Variants in TMEM163 observed in about 807,000 individuals in gnomAD.
The protein encoded by TMEM163 is transmembrane protein 163.
A neutral mutation model predicts 29.3 loss-of-function variants in TMEM163; 17 were observed. The observed-to-expected ratio is 0.58, with a 90% CI of 0.40 to 0.87. The LOEUF is 0.87. TMEM163 is among the 40% of genes least tolerant of loss of function. The probability of loss-of-function intolerance (pLI) is 0.00; values close to 1 mark genes in which losing one functional copy is unlikely to be tolerated. For missense variants in TMEM163, 303 were observed against 381.5 expected, an observed-to-expected ratio of 0.79 and a Z score of 1.71; for synonymous variants, 157 against 160.6, an observed-to-expected ratio of 0.98 and a Z score of 0.17.
intron 2 of TMEM163, among the ~76,000 whole-genome samples, chr2:134,706,666 G>A (rs1283250395): frequency 6.6e-6 from 1 of 152,194 alleles, no homozygotes; most frequent in Non-Finnish European, 1.5e-5. Flanking sequence ...AGGCATCTGA[G>A]ACTAAGGGAA....
chr2:134,617,706 T>C (rs1454492581), intron 2 of TMEM163, among the ~76,000 whole-genome samples: 1 of 150,724 alleles, frequency 6.6e-6, no homozygotes, highest in Non-Finnish European at 1.5e-5. Flanking sequence ...AAATGAGACA[T>C]AGAAAACAAA....
intron 2 of TMEM163, among the ~76,000 whole-genome samples, chr2:134,596,521 T>C (rs111425170): frequency 1.3e-5 from 2 of 152,224 alleles, no homozygotes; most frequent in Non-Finnish European, 2.9e-5. Flanking sequence ...TGTAGCCTTG[T>C]AGTATAGTTT....
intron 2 of TMEM163, among the ~76,000 whole-genome samples, chr2:134,552,459 G>A (rs1680952531): frequency 6.6e-6 from 1 of 152,028 alleles, no homozygotes; most frequent in South Asian, 2.1e-4. Context: ...ATAATAAGGT[G>A]GTGTGGCTAA....
chr2:134,465,204 C>A (rs9751688), intron 6 of TMEM163, among the ~76,000 whole-genome samples: 12,523 of 114,498 alleles, frequency 0.11, 704 homozygotes, highest in East Asian at 0.3. Context: ...AAAAAAAAAA[C>A]AAAAACAAAA....
chr2:134,477,698 G>C (rs1686951429), intron 5 of TMEM163, among the ~76,000 whole-genome samples: 2 of 152,138 alleles, frequency 1.3e-5, no homozygotes, highest in African/African-American at 2.4e-5. Flanking sequence ...TTTTCAAAGA[G>C]AGCAAGAAAG....
intron 2 of TMEM163, among the ~76,000 whole-genome samples, chr2:134,711,771 A>G (rs972157233): frequency 1.3e-5 from 2 of 152,230 alleles, no homozygotes; most frequent in African/African-American, 2.4e-5. Context: ...GACTTGCCCA[A>G]TATTTCTTCT....
At chr2:134,468,101 C>T (rs1686709412) in intron 5 of TMEM163, 1 of 152,168 alleles carries the variant, frequency 6.6e-6, no homozygotes, top group Non-Finnish European at 1.5e-5. Flanking sequence ...AGACAGCACC[C>T]ACAGAAAATA....
intron 2 of TMEM163, among the ~76,000 whole-genome samples, chr2:134,585,833 A>C (rs1681811892): frequency 6.6e-6 from 1 of 152,256 alleles, no homozygotes. Context: ...TATAAACATA[A>C]AGCAAAATTG....
intron 2 of TMEM163, among the ~76,000 whole-genome samples, chr2:134,606,806 G>A (rs868571888): frequency 5.3e-5 from 8 of 152,360 alleles, no homozygotes; most frequent in Admixed American, 2.0e-4. Context: ...AGGATTGATG[G>A]GGGCAGTGAG....
chr2:134,495,078 T>G (rs1202427448), intron 5 of TMEM163, among the ~76,000 whole-genome samples: 1 of 151,882 alleles, frequency 6.6e-6, no homozygotes, highest in African/African-American at 2.4e-5. Context: ...TGAGGGGTGG[T>G]GGGAATTGAA....
intron 4 of TMEM163, among the ~76,000 whole-genome samples, chr2:134,538,276 C>T (rs1397962471): frequency 6.6e-6 from 1 of 152,098 alleles, no homozygotes; most frequent in Admixed American, 6.5e-5. Flanking sequence ...ATGAGGACAC[C>T]TCAGGAAAAT....
intron 2 of TMEM163, among the ~76,000 whole-genome samples, chr2:134,680,414 T>C (rs1026697803): frequency 1.3e-5 from 2 of 150,994 alleles, no homozygotes; most frequent in African/African-American, 4.9e-5. Flanking sequence ...ATCGCACCAC[T>C]GTACTCCAAC....
At chr2:134,675,383 AC>A (rs1684094528) in intron 2 of TMEM163, among the ~76,000 whole-genome samples, 2 of 152,222 alleles carry the variant, frequency 1.3e-5, no homozygotes, top group South Asian at 4.1e-4. Context: ...AACTTTAGCC[AC>A]TTGTATCGCC....
At chr2:134,595,830 T>G (rs1682066742) in intron 2 of TMEM163, among the ~76,000 whole-genome samples, 1 of 152,242 alleles carries the variant, frequency 6.6e-6, no homozygotes, top group South Asian at 2.1e-4. Flanking sequence ...AGATAGTAAC[T>G]CATTGTGGTT....
chr2:134,480,014 C>CT (rs1174266266), intron 5 of TMEM163, among the ~76,000 whole-genome samples: 1 of 152,208 alleles, frequency 6.6e-6, no homozygotes, highest in African/African-American at 2.4e-5. Flanking sequence ...ACCAGGTCAG[C>CT]TTTTCTCCTG....
At chr2:134,624,189 G>A (rs999560245) in intron 2 of TMEM163, among the ~76,000 whole-genome samples, 9 of 152,184 alleles carry the variant, frequency 5.9e-5, no homozygotes, top group African/African-American at 2.2e-4. Flanking sequence ...ATAAATATCT[G>A]TGTTCTGCTA....
At chr2:134,481,041 A>G (rs919373402) in intron 5 of TMEM163, among the ~76,000 whole-genome samples, 2 of 152,092 alleles carry the variant, frequency 1.3e-5, no homozygotes, top group African/African-American at 4.8e-5. Flanking sequence ...CCATGGATTA[A>G]TTTCTTCTAC....
intron 2 of TMEM163, among the ~76,000 whole-genome samples, chr2:134,620,960 A>G (rs945319910): frequency 5.9e-5 from 9 of 152,194 alleles, no homozygotes; most frequent in African/African-American, 2.4e-5. Flanking sequence ...CACAATTCCC[A>G]AAGGAAAAAG....
At chr2:134,695,544 A>G (rs1375512445) in intron 2 of TMEM163, among the ~76,000 whole-genome samples, 1 of 152,184 alleles carries the variant, frequency 6.6e-6, no homozygotes, top group Non-Finnish European at 1.5e-5. Context: ...GTTTTCTTGA[A>G]CTAGAAAGAC....
Sources: allele counts gnomAD v4.1 joint callset (sites outside exome capture counted in the v4.1 genomes callset), GRCh38; gene constraint gnomAD v4.1.1; transcripts MANE v1.5; gene names NCBI Gene and HGNC (gene_info 2026-07-23, HGNC 2026-07-21).